Variants in WDR44 observed in about 807,000 individuals in gnomAD.
The protein encoded by WDR44 is WD repeat domain 44.
In WDR44, 9 loss-of-function variants were observed where a neutral mutation model predicts 65.7. That is an observed-to-expected ratio of 0.14 (90% CI 0.08 to 0.24). The LOEUF (loss-of-function observed/expected upper bound fraction) is 0.24, where lower values mean the gene tolerates loss of function less well. WDR44 is among the 10% of genes least tolerant of loss of function. The pLI is 1.00. For missense variants in WDR44, 425 were observed against 670.9 expected (o/e 0.63, Z 4.05); for synonymous variants, 220 against 235.2 (o/e 0.94, Z 0.59).
intron 15 of WDR44, 79 bp from the exon 16 acceptor site, chrX:118,442,165 C>G: frequency 1.1e-6 from 1 of 894,064 alleles, no homozygotes; most frequent in East Asian, 3.2e-5. Flanking sequence ...CCTCAGCCTC[C>G]TGAGTAGCTA....
intron 14 of WDR44, among the ~76,000 whole-genome samples, chrX:118,440,883 T>C (rs756418911): frequency 5.4e-5 from 6 of 110,811 alleles, no homozygotes; most frequent in Non-Finnish European, 1.1e-4. Flanking sequence ...AGGTTTCTTA[T>C]TGTTGTTACT....
chrX:118,410,883 T>C lies in WDR44; in HGVS notation c.1673-12T>C, dbSNP rs2057007530. On this transcript the variant is annotated splice_polypyrimidine_tract_variant and intron_variant, in intron 11 of 19. Transcript: ENST00000254029. The stretch of plus-strand genomic sequence containing the variant: ...ATACATGCCTTTTTTACAATTATTA[T>C]GTTGTTTTTAGGACGTGTGTCCCCA... 1.7e-6 allele frequency: 2 copies of C among 1,196,605 alleles called. No individual in the cohort carries two copies. Among genetic ancestry groups the C allele is most frequent in the South Asian group, 1.8e-5 (1 of 54,273 alleles).
intron 12 of WDR44, among the ~76,000 whole-genome samples, chrX:118,420,512 C>A (rs183525941): frequency 6.3e-5 from 7 of 111,748 alleles, no homozygotes; most frequent in African/African-American, 2.3e-4. Flanking sequence ...CTCGGCCCCC[C>A]AAAGTGCTGG....
At chrX:118,435,063 G>A (rs960220101) in intron 13 of WDR44, among the ~76,000 whole-genome samples, 1 of 111,052 alleles carries the variant, frequency 9.0e-6, no homozygotes, top group East Asian at 2.8e-4. Flanking sequence ...GTTTAAGAAC[G>A]TTATTTAATT....
At chrX:118,447,345 T>C (rs1043913031) in intron 19 of WDR44, among the ~76,000 whole-genome samples, 3 of 111,437 alleles carry the variant, frequency 2.7e-5, no homozygotes, top group Non-Finnish European at 3.8e-5. Flanking sequence ...TTCAGTTAAC[T>C]AACTGGGTCC....
At chrX:118,434,716 A>G (rs1214311737) in intron 13 of WDR44, among the ~76,000 whole-genome samples, 1 of 111,669 alleles carries the variant, frequency 9.0e-6, no homozygotes, top group Non-Finnish European at 1.9e-5. Context: ...GAAAGGAACA[A>G]AATTTCTGCA....
chrX:118,449,035 T>A lies in WDR44; in HGVS notation c.*48T>A. 1.2e-6 allele frequency: 1 copy of A among 851,459 alleles called. No homozygotes were observed. Among genetic ancestry groups the A allele is most frequent in the African/African-American group, 2.0e-5 (1 of 49,326 alleles). 70.2% of individuals were successfully genotyped at this position (851,459 alleles called of 1,213,427 possible). A position where few individuals can be genotyped will look rare whatever the true frequency, so the allele number is the denominator to read the frequency against. On this transcript the variant is annotated 3_prime_UTR_variant, in exon 20 of 20. Transcript: ENST00000254029. Reference sequence around the variant, plus strand: ...ACATATCAGTAAGTTTCTATATGTATCAAAACTGAAAAAATAGTGTTCCAG... The same window carrying A: ...ACATATCAGTAAGTTTCTATATGTAACAAAACTGAAAAAATAGTGTTCCAG...
chrX:118,437,840 A>G (rs983565967), intron 14 of WDR44, among the ~76,000 whole-genome samples: 5 of 110,469 alleles, frequency 4.5e-5, no homozygotes, highest in African/African-American at 1.6e-4. Context: ...GATCAAGACC[A>G]ACCTGGCCAA....
chrX:118,414,663 CGATTT>C (rs1246973034), intron 12 of WDR44, among the ~76,000 whole-genome samples: 1 of 111,304 alleles, frequency 9.0e-6, no homozygotes, highest in Non-Finnish European at 1.9e-5. Context: ...ATTGAGTTAT[CGATTT>C]GATTCTTCGC....
chrX:118,443,813 T>TA, intron 18 of WDR44, 126 bp downstream of exon 18: 2 of 625,154 alleles, frequency 3.2e-6, no homozygotes, highest in South Asian at 4.6e-5. Flanking sequence ...GGGAGGCCCA[T>TA]ACGGGTGTAT....
At chrX:118,398,342 T>C in intron 7 of WDR44, 45 bp from the exon 8 acceptor site, 1 of 1,095,620 alleles carries the variant, frequency 9.1e-7, no homozygotes, top group South Asian at 1.9e-5. Flanking sequence ...TTTTAAGAAG[T>C]ATAGAAGAAA....
chrX:118,438,551 G>A (rs1051321560), intron 14 of WDR44, among the ~76,000 whole-genome samples: 2 of 110,662 alleles, frequency 1.8e-5, no homozygotes, highest in Admixed American at 1.9e-4. Flanking sequence ...TCCTGCCTCA[G>A]CTCCCCAGGT....
chrX:118,359,069 A>G (rs1225270788), intron 1 of WDR44, among the ~76,000 whole-genome samples: 3 of 78,710 alleles, frequency 3.8e-5, no homozygotes, highest in African/African-American at 3.2e-4. Context: ...GTGAGACTCC[A>G]TCTCAAAACC....
At chrX:118,433,961 G>A (rs773753059) in intron 13 of WDR44, among the ~76,000 whole-genome samples, 3 of 111,355 alleles carry the variant, frequency 2.7e-5, no homozygotes, top group Non-Finnish European at 3.8e-5. Flanking sequence ...AGGGTCATAC[G>A]TGTTAAAGAA....
intron 1 of WDR44, among the ~76,000 whole-genome samples, chrX:118,357,206 A>T (rs1340665679): frequency 9.0e-6 from 1 of 111,526 alleles, no homozygotes; most frequent in Non-Finnish European, 1.9e-5. Context: ...AAATTTAGAA[A>T]ATAAAGTACT....
At position 118,398,331 on chromosome X, in the gene WDR44, T is replaced by A. The variant is rs2056883132; in HGVS notation, c.1191-56T>A. 6 of 1,041,961 alleles carry A rather than the reference T, an allele frequency of 5.8e-6. No individual in the cohort carries two copies. The South Asian group carries it at 8.0e-5, about 14-fold the overall frequency. 85.9% of individuals were successfully genotyped at this position (1,041,961 alleles called of 1,213,427 possible). A position where few individuals can be genotyped will look rare whatever the true frequency, so the allele number is the denominator to read the frequency against. On this transcript the variant is annotated intron_variant, in intron 7 of 19. Transcript: ENST00000254029. ...TGGTTATATAGTAAGTATAAACAGATTTTTAAGAAGTATAGAAGAAATGGC... is the reference window on the plus strand; with the variant it reads ...TGGTTATATAGTAAGTATAAACAGAATTTTAAGAAGTATAGAAGAAATGGC...
intron 1 of WDR44, among the ~76,000 whole-genome samples, chrX:118,365,607 T>C (rs2056546381): frequency 8.9e-6 from 1 of 112,342 alleles, no homozygotes; most frequent in Non-Finnish European, 1.9e-5. Context: ...ATTTAGTAGA[T>C]ATGCCATCAG....
intron 3 of WDR44, among the ~76,000 whole-genome samples, chrX:118,388,517 G>A (rs1305052345): frequency 9.0e-6 from 1 of 111,068 alleles, no homozygotes; most frequent in East Asian, 2.8e-4. Context: ...CTGAGCTCAG[G>A]CAATCCACCC....
intron 9 of WDR44, among the ~76,000 whole-genome samples, chrX:118,406,563 G>A (rs1319473983): frequency 3.6e-5 from 4 of 111,209 alleles, no homozygotes; most frequent in Non-Finnish European, 7.5e-5. Context: ...ACTTTTACCT[G>A]TATTAATTCA....
Sources: gnomAD v4.1 joint callset for allele counts (sites outside exome capture counted in the v4.1 genomes callset) on GRCh38, gnomAD v4.1.1 for gene constraint, MANE v1.5 for transcripts, NCBI Gene and HGNC (gene_info 2026-07-23, HGNC 2026-07-21) for gene names.